TMEM232: variants seen among roughly 807,000 people sequenced by gnomAD.
The protein encoded by TMEM232 is transmembrane protein 232.
A neutral mutation model predicts 78.8 loss-of-function variants in TMEM232; 80 were observed. That is an observed-to-expected ratio of 1.01 (90% confidence interval 0.85 to 1.22). TMEM232 has a LOEUF of 1.22. Among genes scored for constraint, TMEM232 ranks in the 50% most tolerant of loss-of-function variants. The probability of loss-of-function intolerance (pLI) is 0.00; values close to 1 mark genes in which losing one functional copy is unlikely to be tolerated. For synonymous variants in TMEM232, 297 were observed against 254.3 expected (o/e 1.17, Z -1.60); for missense variants, 881 against 742.2 (o/e 1.19, Z -2.17).
intron 12 of TMEM232, among the ~76,000 whole-genome samples, chr5:110,474,210 T>C (rs921768448): frequency 3.3e-5 from 5 of 151,910 alleles, no homozygotes; most frequent in Non-Finnish European, 7.4e-5. Context: ...TTGATCATTA[T>C]ATAACATGTA....
chr5:110,703,642 C>T (rs1206910582), intron 1 of TMEM232, among the ~76,000 whole-genome samples: 1 of 152,012 alleles, frequency 6.6e-6, no homozygotes, highest in East Asian at 1.9e-4. Context: ...TCTTGTAGAA[C>T]AGCCACTGCA....
At chr5:110,710,969 C>T (rs1796415358) in intron 1 of TMEM232, among the ~76,000 whole-genome samples, 1 of 152,098 alleles carries the variant, frequency 6.6e-6, no homozygotes, top group Non-Finnish European at 1.5e-5. Flanking sequence ...AGAAAGAAAT[C>T]AAATTATCCT....
At position 110,431,140 on chromosome 5, in the gene TMEM232, CCA is replaced by C. The variant is rs577415358; in HGVS notation, c.1704-6226_1704-6225del. Among the ~76,000 whole-genome samples the C allele has an allele frequency of 5.3e-3, 800 of 151,502 alleles. 4 individuals carry two copies. Among genetic ancestry groups the C allele is most frequent in the Middle Eastern group, 0.017 (5 of 294 alleles). On this transcript the variant is annotated intron_variant, in intron 12 of 13. Coordinates refer to ENST00000455884, the MANE Select transcript of TMEM232 (RefSeq NM_001039763.4). Reference sequence around the variant, plus strand: ...GGATCAAGCTCAAGAGAAGTGAGCACCACACACACCACTAAGTTTCCCCCCAA... The same window carrying C: ...GGATCAAGCTCAAGAGAAGTGAGCACCACACACCACTAAGTTTCCCCCCAA...
intron 1 of TMEM232, among the ~76,000 whole-genome samples, chr5:110,715,716 A>C (rs1580772268): frequency 6.6e-6 from 1 of 151,724 alleles, no homozygotes; most frequent in Non-Finnish European, 1.5e-5. Flanking sequence ...AGACTGGTTC[A>C]GGCCATGATG....
intron 12 of TMEM232, among the ~76,000 whole-genome samples, chr5:110,524,092 G>A (rs549787530): frequency 3.4e-4 from 52 of 150,830 alleles, no homozygotes; most frequent in South Asian, 4.2e-4. Flanking sequence ...GTGAAACGCC[G>A]TCTCTACTGA....
chr5:110,431,886 T>C (rs1757895641), intron 12 of TMEM232, among the ~76,000 whole-genome samples: 1 of 151,584 alleles, frequency 6.6e-6, no homozygotes, highest in South Asian at 2.1e-4. Flanking sequence ...CAGAGACATA[T>C]ATGAGAATGT....
At chr5:110,587,178 G>T (rs987702991) in intron 10 of TMEM232, among the ~76,000 whole-genome samples, 5 of 152,032 alleles carry the variant, frequency 3.3e-5, no homozygotes, top group African/African-American at 1.2e-4. Flanking sequence ...ATGTGTGTGT[G>T]TATCTATGCA....
intron 12 of TMEM232, among the ~76,000 whole-genome samples, chr5:110,444,456 T>C (rs1759423215): frequency 6.6e-6 from 1 of 152,188 alleles, no homozygotes; most frequent in African/African-American, 2.4e-5. Flanking sequence ...GAAGGGATGC[T>C]GTCAGCAATT....
chr5:110,521,258 G>A (rs1239182128), intron 12 of TMEM232, among the ~76,000 whole-genome samples: 1 of 152,074 alleles, frequency 6.6e-6, no homozygotes, highest in African/African-American at 2.4e-5. Flanking sequence ...CCAATTGTAT[G>A]TCTTCTTTAG....
intron 12 of TMEM232, among the ~76,000 whole-genome samples, chr5:110,464,529 C>T (rs1222629915): frequency 2.0e-5 from 3 of 152,126 alleles, no homozygotes; most frequent in African/African-American, 7.2e-5. Flanking sequence ...TGTAAATGGA[C>T]ACCTAGGTGT....
At chr5:110,598,047 A>C (rs1780403124) in intron 10 of TMEM232, among the ~76,000 whole-genome samples, 1 of 152,226 alleles carries the variant, frequency 6.6e-6, no homozygotes, top group Non-Finnish European at 1.5e-5. Flanking sequence ...TCTGCACAGC[A>C]AAAGAAACTA....
At chr5:110,721,225 T>G (rs1438751121) in intron 1 of TMEM232, among the ~76,000 whole-genome samples, 2 of 152,032 alleles carry the variant, frequency 1.3e-5, no homozygotes, top group African/African-American at 4.8e-5. Flanking sequence ...ACACTCAATA[T>G]AAATATATGA....
chr5:110,557,781 C>T lies in TMEM232; in HGVS notation c.1455+10666G>A, dbSNP rs1018200900. Among the ~76,000 whole-genome samples, 17 of 152,248 alleles carry T rather than the reference C, an allele frequency of 1.1e-4. 1 individual carries two copies. Among genetic ancestry groups the T allele is most frequent in the African/African-American group, 3.9e-4 (16 of 41,556 alleles). On this transcript the variant is annotated intron_variant, in intron 11 of 13. Transcript: ENST00000455884. ...TCTCTTCCATTATCCAATCACCTCC[C>T]CCCAGGCCCCATATCTAGCACTGAG...
chr5:110,434,158 G>T (rs1758160206), intron 12 of TMEM232, among the ~76,000 whole-genome samples: 1 of 145,858 alleles, frequency 6.9e-6, no homozygotes, highest in Admixed American at 6.8e-5. Context: ...AACATGCAAA[G>T]AATAAATGAA....
chr5:110,665,509 C>T (rs1051163662), intron 2 of TMEM232, among the ~76,000 whole-genome samples: 1 of 151,972 alleles, frequency 6.6e-6, no homozygotes, highest in African/African-American at 2.4e-5. Context: ...AAGCAAGGCA[C>T]CTCTTAACAT....
At chr5:110,540,010 T>G (rs570390409) in intron 11 of TMEM232, among the ~76,000 whole-genome samples, 2 of 152,250 alleles carry the variant, frequency 1.3e-5, no homozygotes, top group South Asian at 4.1e-4. Flanking sequence ...AGCCCCTGTA[T>G]GAAGCAACAA....
intron 11 of TMEM232, among the ~76,000 whole-genome samples, chr5:110,547,825 C>A (rs1456041625): frequency 6.6e-6 from 1 of 151,662 alleles, no homozygotes; most frequent in African/African-American, 2.4e-5. Flanking sequence ...TGGTGAAATC[C>A]AGTCTCTACT....
intron 1 of TMEM232, among the ~76,000 whole-genome samples, chr5:110,718,117 A>C (rs947337461): frequency 6.6e-6 from 1 of 152,138 alleles, no homozygotes; most frequent in Non-Finnish European, 1.5e-5. Flanking sequence ...AAAATTATAC[A>C]TATTTGTCAA....
chr5:110,635,459 A>G (rs1374428747), intron 5 of TMEM232, among the ~76,000 whole-genome samples: 1 of 152,146 alleles, frequency 6.6e-6, no homozygotes, highest in Non-Finnish European at 1.5e-5. Flanking sequence ...AACTGAATCC[A>G]ACAGCACATC....
Sources: allele counts gnomAD v4.1 joint callset (sites outside exome capture counted in the v4.1 genomes callset), GRCh38; gene constraint gnomAD v4.1.1; transcripts MANE v1.5; gene names NCBI Gene and HGNC (gene_info 2026-07-23, HGNC 2026-07-21).